The following MGAT4C variants were observed in gnomAD, a reference collection of about 807,000 sequenced individuals.
MGAT4C encodes the protein alpha-1,3-mannosyl-glycoprotein 4-beta-N-acetylglucosaminyltransferase C.
MGAT4C carries 19 observed loss-of-function variants against 40.1 expected under a neutral mutation model. The ratio of observed to expected loss-of-function variants is 0.47; its 90% confidence interval spans 0.33 to 0.70. MGAT4C has a LOEUF of 0.70. Among genes scored for constraint, MGAT4C ranks in the 30% least tolerant of loss-of-function variants. MGAT4C has a pLI of 0.02. For synonymous variants in MGAT4C, 181 were observed against 187.1 expected (o/e 0.97, Z 0.27); for missense variants, 491 against 563.2 (o/e 0.87, Z 1.30).
chr12:86,288,941 CTT>C (rs2136125938), intron 4 of MGAT4C, among the ~76,000 whole-genome samples: 1 of 152,060 alleles, frequency 6.6e-6, no homozygotes, highest in African/African-American at 2.4e-5. Flanking sequence ...TAATTTTTGT[CTT>C]TGTCACAATT....
chr12:86,793,158 T>C (rs1952055229), intron 1 of MGAT4C, among the ~76,000 whole-genome samples: 1 of 152,186 alleles, frequency 6.6e-6, no homozygotes, highest in Non-Finnish European at 1.5e-5. Context: ...ATAGTGATTT[T>C]TTTATTTGAT....
intron 1 of MGAT4C, among the ~76,000 whole-genome samples, chr12:86,190,270 T>C (rs1889233325): frequency 6.6e-6 from 1 of 152,128 alleles, no homozygotes; most frequent in Non-Finnish European, 1.5e-5. Flanking sequence ...TATTTGCTAT[T>C]ACAGTTTAAA....
intron 1 of MGAT4C, among the ~76,000 whole-genome samples, chr12:86,775,951 C>T (rs183377392): frequency 6.6e-6 from 1 of 151,272 alleles, no homozygotes; most frequent in Non-Finnish European, 1.5e-5. Context: ...CAAAACAATT[C>T]GAGAATAATA....
At chr12:86,140,943 A>G (rs980340727) in intron 1 of MGAT4C, among the ~76,000 whole-genome samples, 2 of 152,206 alleles carry the variant, frequency 1.3e-5, no homozygotes, top group Non-Finnish European at 2.9e-5. Context: ...AGTGAGTGGT[A>G]TGCTTTTCCC....
At chr12:86,302,726 G>A (rs1953846272) in intron 4 of MGAT4C, among the ~76,000 whole-genome samples, 1 of 150,540 alleles carries the variant, frequency 6.6e-6, no homozygotes, top group Admixed American at 6.6e-5. Flanking sequence ...ACCGCACCAG[G>A]ACAGCAGCCT....
chr12:86,595,423 CG>C (rs1336770205), intron 2 of MGAT4C, among the ~76,000 whole-genome samples: 1 of 151,232 alleles, frequency 6.6e-6, no homozygotes, highest in African/African-American at 2.4e-5. Flanking sequence ...CCCAGCTACT[CG>C]GGAGGCTGAG....
intron 1 of MGAT4C, among the ~76,000 whole-genome samples, chr12:86,158,593 T>G (rs1885243431): frequency 6.6e-6 from 1 of 152,202 alleles, no homozygotes; most frequent in Admixed American, 6.5e-5. Context: ...TAATGCTTTA[T>G]TCCCATTTAG....
At chr12:86,213,420 A>G (rs1422398023) in intron 1 of MGAT4C, among the ~76,000 whole-genome samples, 3 of 152,244 alleles carry the variant, frequency 2.0e-5, no homozygotes, top group African/African-American at 7.2e-5. Flanking sequence ...TGGTGGTACC[A>G]TATGGTAAGT....
At chr12:86,419,399 T>C (rs528426921) in intron 3 of MGAT4C, among the ~76,000 whole-genome samples, 1 of 151,472 alleles carries the variant, frequency 6.6e-6, no homozygotes, top group South Asian at 2.1e-4. Context: ...TATGTACATA[T>C]ATCCATACAT....
intron 2 of MGAT4C, among the ~76,000 whole-genome samples, chr12:86,659,563 G>C (rs1963930852): frequency 6.6e-6 from 1 of 152,036 alleles, no homozygotes; most frequent in Admixed American, 6.6e-5. Context: ...AATAGGGTTG[G>C]AGTAATGAAG....
chr12:86,308,604 G>C (rs751544353), intron 4 of MGAT4C, among the ~76,000 whole-genome samples: 5 of 150,622 alleles, frequency 3.3e-5, no homozygotes, highest in African/African-American at 7.5e-5. Flanking sequence ...CAGCCTAATA[G>C]TGATGGTAAT....
intron 2 of MGAT4C, among the ~76,000 whole-genome samples, chr12:86,019,562 A>C (rs1251404595): frequency 6.6e-6 from 1 of 152,118 alleles, no homozygotes; most frequent in Non-Finnish European, 1.5e-5. Flanking sequence ...CTTAATGTTA[A>C]GACATAATAC....
In MGAT4C at chr12:86,306,446, A is replaced by G. The variant is rs893687138; in HGVS notation, c.-57+27619T>C. 2.0e-5 allele frequency among the ~76,000 whole-genome samples: 3 copies of G among 150,558 alleles called. 1 individual carries two copies. The highest frequency in any genetic ancestry group is 7.5e-5 in the African/African-American group (3 of 40,026). ...TGCTAAATGAAGGAAGTCTTACACAAAAGAATACATGTAGTATACTTTCAT... is the reference window on the plus strand; with the variant it reads ...TGCTAAATGAAGGAAGTCTTACACAGAAGAATACATGTAGTATACTTTCAT... On this transcript the variant is annotated intron_variant, in intron 4 of 7. Coordinates refer to the MGAT4C transcript ENST00000548651.
intron 1 of MGAT4C, among the ~76,000 whole-genome samples, chr12:86,096,961 C>T (rs1874046227): frequency 6.6e-6 from 1 of 151,376 alleles, no homozygotes; most frequent in African/African-American, 2.4e-5. Flanking sequence ...ATTTCTTTTG[C>T]TACTTTTCCA....
intron 1 of MGAT4C, among the ~76,000 whole-genome samples, chr12:86,807,968 T>TG (rs112760567): frequency 4.0e-5 from 6 of 151,808 alleles, no homozygotes; most frequent in Admixed American, 1.3e-4. Context: ...CACTTTTTAA[T>TG]GGTTTTTTTT....
chr12:86,806,708 T>G (rs538513662), intron 1 of MGAT4C, among the ~76,000 whole-genome samples: 1 of 151,940 alleles, frequency 6.6e-6, no homozygotes, highest in Non-Finnish European at 1.5e-5. Flanking sequence ...TGAAAATGTC[T>G]TCCTTTCTGG....
intron 1 of MGAT4C, among the ~76,000 whole-genome samples, chr12:86,204,883 T>C (rs1950191099): frequency 6.6e-6 from 1 of 151,990 alleles, no homozygotes; most frequent in Non-Finnish European, 1.5e-5. Context: ...AGATACACAG[T>C]TTTTCAAAGA....
intron 4 of MGAT4C, among the ~76,000 whole-genome samples, chr12:86,283,652 T>C (rs1239959637): frequency 6.6e-6 from 1 of 152,120 alleles, no homozygotes; most frequent in Non-Finnish European, 1.5e-5. Context: ...ATGGGTGATA[T>C]ACTGTTTGTT....
intron 1 of MGAT4C, among the ~76,000 whole-genome samples, chr12:86,119,806 C>T (rs543103819): frequency 4.7e-4 from 71 of 150,642 alleles, no homozygotes; most frequent in African/African-American, 1.6e-3. Context: ...TTAAGCAATC[C>T]TCCCACCTCA....
Sources: allele counts gnomAD v4.1 joint callset (sites outside exome capture counted in the v4.1 genomes callset), GRCh38; gene constraint gnomAD v4.1.1; transcripts MANE v1.5; gene names NCBI Gene and HGNC (gene_info 2026-07-23, HGNC 2026-07-21).